PTH2R: variants seen among roughly 807,000 people sequenced by gnomAD.
PTH2R encodes the protein PTH2 receptor.
A neutral mutation model predicts 60.3 loss-of-function variants in PTH2R; 59 were observed. The observed-to-expected ratio is 0.98, with a 90% CI of 0.79 to 1.22. The LOEUF (loss-of-function observed/expected upper bound fraction) is 1.22, where lower values mean the gene tolerates loss of function less well. Among genes scored for constraint, PTH2R ranks in the 50% most tolerant of loss-of-function variants. PTH2R has a pLI of 0.00. For synonymous variants in PTH2R, 256 were observed against 243.8 expected, an observed-to-expected ratio of 1.05 and a Z score of -0.47; for missense variants, 749 against 682.6, an observed-to-expected ratio of 1.10 and a Z score of -1.08.
At chr2:208,415,808 A>G (rs994345631) in intron 1 of PTH2R, among the ~76,000 whole-genome samples, 9 of 152,248 alleles carry the variant, frequency 5.9e-5, no homozygotes, top group African/African-American at 1.9e-4. Flanking sequence ...CTGCAATAAA[A>G]GTAAAGTTCA....
At chr2:208,478,200 G>A (rs1278414329) in intron 9 of PTH2R, among the ~76,000 whole-genome samples, 1 of 152,030 alleles carries the variant, frequency 6.6e-6, no homozygotes. Context: ...ACATCCTCCA[G>A]ATAGGCATCT....
At chr2:208,414,333 A>G (rs1701597168) in intron 1 of PTH2R, among the ~76,000 whole-genome samples, 1 of 152,164 alleles carries the variant, frequency 6.6e-6, no homozygotes, top group South Asian at 2.1e-4. Flanking sequence ...TTAATATAAA[A>G]ATATAATTTA....
Position 208,407,048 on chromosome 2 carries a change from C to A in PTH2R, c.5C>A (p.Ala2Asp). 7.2e-7 allele frequency: 1 copy of A among 1,393,624 alleles called. No homozygotes were observed. The highest frequency in any genetic ancestry group is 9.4e-7 in the Non-Finnish European group (1 of 1,068,094). 86.3% of individuals were successfully genotyped at this position (1,393,624 alleles called of 1,614,324 possible). ...CTTCCTACAGCCGTTCCGGGCATGG[C>A]CGGGCTGGGGGCGTCGCTCCACGTC... M[A>D]GLGASLHVWG... Residue 2 changes from alanine to aspartate, a missense_variant, in exon 1 of 13, where the codon GCC (alanine) becomes GAC (aspartate). Physicochemically the swap from Ala to Asp is moderately radical, Grantham distance 126. Transcript: ENST00000272847.
chr2:208,444,836 G>A lies in PTH2R; in HGVS notation c.802G>A (p.Ala268Thr), dbSNP rs537760488. The A allele has an allele frequency of 1.2e-6, 2 of 1,613,820 alleles. No individual in the cohort carries two copies. Among genetic ancestry groups the A allele is most frequent in the South Asian group, 2.2e-5 (2 of 91,062 alleles). The change falls in exon 7 of 13, where the codon GCT becomes ACT. Residue 268 changes from alanine (A) to threonine (T), a missense_variant. Ala to Thr is a moderately conservative substitution (Grantham distance 58). Transcript: ENST00000272847. ...CTACCTGCATAATCTCATCTTTGTG[G>A]CTTTCTTTTCGGACACCAAATACCT... Reference protein sequence around the residue: ...GLYLHNLIFVAFFSDTKYLWG... With the variant: ...GLYLHNLIFVTFFSDTKYLWG...
chr2:208,428,365 C>T (rs1430578301), intron 2 of PTH2R, 62 bp downstream of exon 2: 5 of 1,166,476 alleles, frequency 4.3e-6, no homozygotes, highest in Middle Eastern at 3.8e-4. Flanking sequence ...AAAGATTGCA[C>T]ATTTCCCTCC....
chr2:208,466,637 C>A (rs1702759375), intron 9 of PTH2R: 1 of 152,138 alleles, frequency 6.6e-6, no homozygotes, highest in South Asian at 2.1e-4. Context: ...TCCACTTGGG[C>A]TTGGTGAGCT....
At chr2:208,370,178 T>C (rs1214622827) in intron 1 of PTH2R, among the ~76,000 whole-genome samples, 1 of 151,972 alleles carries the variant, frequency 6.6e-6, no homozygotes, top group Non-Finnish European at 1.5e-5. Flanking sequence ...GCACGGTGGC[T>C]CACGCCTGTA....
In PTH2R at chr2:208,449,081, A is replaced by G. The variant is rs556431812; in HGVS notation, c.854-1668A>G. ...AGAAGATGCAGATATAAGAATGATA[A>G]GATGTGAAAATTGATGAAAGACAGG... On this transcript the variant is annotated intron_variant, in intron 7 of 12. Coordinates refer to ENST00000272847, the MANE Select transcript of PTH2R (RefSeq NM_005048.4). Among the ~76,000 whole-genome samples, 43 of 152,360 alleles carry G rather than the reference A, an allele frequency of 2.8e-4. 1 individual carries two copies. In the South Asian group the frequency reaches 4.8e-3, roughly 17 times the overall value.
At chr2:208,461,604 A>T (rs1348735481) in intron 9 of PTH2R, among the ~76,000 whole-genome samples, 1 of 152,192 alleles carries the variant, frequency 6.6e-6, no homozygotes, top group African/African-American at 2.4e-5. Flanking sequence ...TTATATAATG[A>T]TTAAATATGA....
chr2:208,468,758 C>G (rs1049156633), intron 9 of PTH2R, among the ~76,000 whole-genome samples: 1 of 152,160 alleles, frequency 6.6e-6, no homozygotes, highest in Non-Finnish European at 1.5e-5. Context: ...TTCAACATCA[C>G]AGTATATCAT....
chr2:208,405,324 A>T (rs898436579), upstream of PTH2R, among the ~76,000 whole-genome samples: 2 of 152,246 alleles, frequency 1.3e-5, no homozygotes. Context: ...CCTTTCTCGC[A>T]TAAAAGCTAA....
At position 208,419,792 on chromosome 2, in the gene PTH2R, T is replaced by C. The variant is rs150704484; in HGVS notation, c.76-8409T>C. Reference sequence around the variant, plus strand: ...TATTAAACAGGGAATCCTTTCTCCATTGCTTGTTTTTTAAATCATGCTGCT... The same window carrying C: ...TATTAAACAGGGAATCCTTTCTCCACTGCTTGTTTTTTAAATCATGCTGCT... On this transcript the variant is annotated intron_variant, in intron 1 of 12. Coordinates refer to ENST00000272847, the MANE Select transcript of PTH2R (RefSeq NM_005048.4). 2.0e-3 allele frequency among the ~76,000 whole-genome samples: 311 copies of C among 152,334 alleles called. 3 individuals are homozygous for C. Among genetic ancestry groups the C allele is most frequent in the African/African-American group, 6.8e-3 (284 of 41,576 alleles).
Position 208,459,876 on chromosome 2 carries a change from CT to C in PTH2R, c.915-12del. 6.2e-7 allele frequency: 1 copy of C among 1,610,324 alleles called. No homozygotes were observed. On this transcript the variant is annotated intron_variant, in intron 8 of 12. Coordinates refer to ENST00000272847, the MANE Select transcript of PTH2R (RefSeq NM_005048.4). ...TGCTTTGCCAATTTATTCATGACAG[CT>C]TTTTTTCAATGTCTCAGGTGCTGGG... is the stretch of plus-strand genomic sequence containing the variant.
chr2:208,487,964 A>G (rs1210452396), intron 10 of PTH2R, among the ~76,000 whole-genome samples: 2 of 152,166 alleles, frequency 1.3e-5, no homozygotes, highest in Non-Finnish European at 2.9e-5. Flanking sequence ...CATCTTTGCC[A>G]TAATCTACTG....
chr2:208,397,962 A>G (rs1468799435), intron 1 of PTH2R, among the ~76,000 whole-genome samples: 1 of 152,200 alleles, frequency 6.6e-6, no homozygotes, highest in African/African-American at 2.4e-5. Context: ...AAGAAAAATA[A>G]ACTTCCCAAG....
At chr2:208,391,943 C>T (rs1237211463) in intron 1 of PTH2R, among the ~76,000 whole-genome samples, 1 of 152,156 alleles carries the variant, frequency 6.6e-6, no homozygotes, top group Non-Finnish European at 1.5e-5. Flanking sequence ...CTGCAAGACC[C>T]TAACTTGAGT....
chr2:208,430,009 C>T (rs937342126), intron 2 of PTH2R, among the ~76,000 whole-genome samples: 1 of 152,170 alleles, frequency 6.6e-6, no homozygotes, highest in Non-Finnish European at 1.5e-5. Flanking sequence ...TCCACTTCCC[C>T]AGTTCCAACT....
chr2:208,367,816 C>T (rs1033577477), intron 1 of PTH2R, among the ~76,000 whole-genome samples: 4 of 152,106 alleles, frequency 2.6e-5, no homozygotes, highest in Admixed American at 2.6e-4. Context: ...TGTTGATGAC[C>T]TGCTACTTTG....
chr2:208,386,244 G>A (rs867252655), intron 1 of PTH2R, among the ~76,000 whole-genome samples: 3 of 152,108 alleles, frequency 2.0e-5, no homozygotes, highest in Admixed American at 2.0e-4. Context: ...TCATTGATAC[G>A]TGTATACATC....
Sources: allele counts gnomAD v4.1 joint callset (sites outside exome capture counted in the v4.1 genomes callset), GRCh38; gene constraint gnomAD v4.1.1; transcripts MANE v1.5; gene names NCBI Gene and HGNC (gene_info 2026-07-23, HGNC 2026-07-21).